The following AKAP13 variants were observed in gnomAD, a reference collection of about 807,000 sequenced individuals.
AKAP13 encodes the protein A-kinase anchor protein 13.
Under a neutral mutation model 264.5 loss-of-function variants are expected in AKAP13, and 80 were observed. That is an observed-to-expected ratio of 0.30 (90% CI 0.25 to 0.36). The LOEUF is 0.36. Among genes scored for constraint, AKAP13 ranks in the 10% least tolerant of loss-of-function variants. The pLI, the probability that AKAP13 is intolerant of heterozygous loss-of-function variation, is 1.00. For synonymous variants in AKAP13, 1,380 were observed against 1,250.2 expected (o/e 1.10, Z -2.19); for missense variants, 3,712 against 3,435.2 (o/e 1.08, Z -2.01).
Position 85,683,038 on chromosome 15 carries a change from T to A in AKAP13, c.5156+826T>A, listed in dbSNP as rs565406096. 2.6e-4 allele frequency among the ~76,000 whole-genome samples: 39 copies of A among 152,358 alleles called. 1 individual carries two copies. The South Asian group carries it at 7.5e-3, about 29-fold the overall frequency. On this transcript the variant is annotated intron_variant, in intron 15 of 36. Coordinates refer to ENST00000394518, the MANE Select transcript of AKAP13 (RefSeq NM_007200.5). ...GTTTTCATGCTTATGAGATAGAATA[T>A]TCTACTTGAAGTTTAATTGGGGTTC...
At chr15:85,386,269 A>G (rs185144999) in intron 1 of AKAP13, among the ~76,000 whole-genome samples, 4 of 152,088 alleles carry the variant, frequency 2.6e-5, no homozygotes, top group East Asian at 3.9e-4. Flanking sequence ...TAAGAGCTCA[A>G]AGACTTTCCC....
rs1369153021 is a variant in AKAP13, at chr15:85,724,994, C to T, written c.6746-1416C>T. Among the ~76,000 whole-genome samples, 4 of 152,148 alleles carry T rather than the reference C, an allele frequency of 2.6e-5. No homozygotes were observed. The highest frequency in any genetic ancestry group is 1.9e-4 in the East Asian group (1 of 5,180). ...GCCCTAGCTCTCTTTGAGACTTTTA[C>T]GCTGTCTGGCAGTTCAGAAATACCT... On this transcript the variant is annotated intron_variant, in intron 26 of 36. Transcript: ENST00000394518. The surrounding 1 kb of genome is among the most constrained non-coding windows in gnomAD (Gnocchi z 4.2).
At chr15:85,684,957 A>C in intron 16 of AKAP13, 84 bp downstream of exon 16, 1 of 1,442,968 alleles carries the variant, frequency 6.9e-7, no homozygotes, top group South Asian at 1.5e-5. Context: ...TGGTTAAATC[A>C]TGGGGACATA....
intron 8 of AKAP13, among the ~76,000 whole-genome samples, chr15:85,619,070 C>T (rs1024221111): frequency 6.6e-6 from 1 of 152,162 alleles, no homozygotes; most frequent in Non-Finnish European, 1.5e-5. Context: ...TAACACCCCC[C>T]TTCCTTTATT....
intron 1 of AKAP13, among the ~76,000 whole-genome samples, chr15:85,412,605 C>T (rs963890622): frequency 3.9e-5 from 6 of 152,056 alleles, no homozygotes; most frequent in Admixed American, 6.5e-5. Flanking sequence ...CAATAAAGTA[C>T]CAATAAATAT....
intron 15 of AKAP13, among the ~76,000 whole-genome samples, chr15:85,684,017 A>G (rs1370505615): frequency 6.6e-6 from 1 of 152,182 alleles, no homozygotes; most frequent in Non-Finnish European, 1.5e-5. Flanking sequence ...GCCAAAGGCT[A>G]GAAAAAAGTT....
At chr15:85,477,909 A>G (rs1337195904) in intron 1 of AKAP13, among the ~76,000 whole-genome samples, 1 of 151,856 alleles carries the variant, frequency 6.6e-6, no homozygotes, top group East Asian at 1.9e-4. Context: ...TGCACTTCCT[A>G]TTCATCTTTG....
intron 8 of AKAP13, among the ~76,000 whole-genome samples, chr15:85,613,935 A>C (rs771472503): frequency 8.5e-5 from 13 of 152,058 alleles, no homozygotes; most frequent in Non-Finnish European, 1.6e-4. Context: ...ATATCTATAC[A>C]GAAAGCTATA....
At chr15:85,433,753 C>T (rs1262750043) in intron 1 of AKAP13, among the ~76,000 whole-genome samples, 2 of 151,646 alleles carry the variant, frequency 1.3e-5, no homozygotes, top group East Asian at 3.9e-4. Flanking sequence ...ACCAGCCTGA[C>T]CAACATGGTG....
At chr15:85,590,127 A>C (rs2079526989) in intron 8 of AKAP13, among the ~76,000 whole-genome samples, 1 of 152,198 alleles carries the variant, frequency 6.6e-6, no homozygotes, top group Non-Finnish European at 1.5e-5. Flanking sequence ...CCTTGGGAAT[A>C]GGCCAGTCAT....
At chr15:85,531,238 C>A (rs2077232260) in intron 3 of AKAP13, among the ~76,000 whole-genome samples, 1 of 152,204 alleles carries the variant, frequency 6.6e-6, no homozygotes, top group Non-Finnish European at 1.5e-5. Context: ...CTCCTCTCCC[C>A]AGATTGCACT....
intron 8 of AKAP13, chr15:85,627,744 GA>G (rs1391629549): frequency 1.3e-5 from 2 of 152,196 alleles, no homozygotes; most frequent in Non-Finnish European, 2.9e-5. Context: ...GTTATGCAAA[GA>G]ACCGCCGATT....
Position 85,631,502 on chromosome 15 carries a change from TCACACACACACACACACACACACACACA to T in AKAP13, c.4162-7848_4162-7821del, listed in dbSNP as rs55928032. Among the ~76,000 whole-genome samples the T allele has an allele frequency of 1.6e-4, 23 of 141,060 alleles. No homozygotes were observed. In the South Asian group the frequency reaches 3.3e-3, roughly 20 times the overall value. 92.5% of individuals were successfully genotyped at this position (141,060 alleles called of 152,430 possible). Reference sequence around the variant, plus strand: ...CACACTTTCTCTCTCTCTCTCTCTCTCACACACACACACACACACACACACACACACACACACACACACACACACACTA... The same window carrying T: ...CACACTTTCTCTCTCTCTCTCTCTCTCACACACACACACACACACACACTA... On this transcript the variant is annotated intron_variant, in intron 8 of 36. Coordinates refer to ENST00000394518, the MANE Select transcript of AKAP13 (RefSeq NM_007200.5).
At chr15:85,402,247 C>T (rs2071459409) in intron 1 of AKAP13, among the ~76,000 whole-genome samples, 1 of 152,174 alleles carries the variant, frequency 6.6e-6, no homozygotes, top group African/African-American at 2.4e-5. Flanking sequence ...AGAGTAGTTC[C>T]ACTTTCCTCT....
At chr15:85,472,839 T>C (rs182035412) in intron 1 of AKAP13, among the ~76,000 whole-genome samples, 2 of 152,364 alleles carry the variant, frequency 1.3e-5, no homozygotes, top group Admixed American at 6.5e-5. Flanking sequence ...ATAGCACTTA[T>C]ATAACAGAAA....
intron 12 of AKAP13, among the ~76,000 whole-genome samples, chr15:85,663,904 C>G (rs2083468741): frequency 6.6e-6 from 1 of 152,216 alleles, no homozygotes; most frequent in Admixed American, 6.5e-5. Flanking sequence ...TCTTTCTACT[C>G]TTAGACCAGG....
chr15:85,511,269 T>C (rs1275971663), intron 2 of AKAP13, among the ~76,000 whole-genome samples: 1 of 152,214 alleles, frequency 6.6e-6, no homozygotes, highest in Admixed American at 6.5e-5. Flanking sequence ...TTCTTCTTAC[T>C]GCCTTCCCTT....
At chr15:85,418,620 A>G (rs933744314) in intron 1 of AKAP13, among the ~76,000 whole-genome samples, 1 of 152,256 alleles carries the variant, frequency 6.6e-6, no homozygotes, top group African/African-American at 2.4e-5. Flanking sequence ...GCATATAATT[A>G]TAGCCACTAG....
At chr15:85,608,919 T>G (rs2080474892) in intron 8 of AKAP13, among the ~76,000 whole-genome samples, 1 of 152,214 alleles carries the variant, frequency 6.6e-6, no homozygotes, top group Non-Finnish European at 1.5e-5. Context: ...TGTTCAAACA[T>G]CTTCACTGGC....
Sources: gnomAD v4.1 joint callset for allele counts (sites outside exome capture counted in the v4.1 genomes callset) on GRCh38, gnomAD v4.1.1 for gene constraint, Gnocchi (gnomAD v3.1) non-coding constraint, MANE v1.5 for transcripts, NCBI Gene and HGNC (gene_info 2026-07-23, HGNC 2026-07-21) for gene names.